Variants in ANO2 observed in about 807,000 individuals in gnomAD.
The protein encoded by ANO2 is anoctamin 2.
Under a neutral mutation model 124.2 loss-of-function variants are expected in ANO2, and 101 were observed. That is an observed-to-expected ratio of 0.81 (90% CI 0.69 to 0.96). The LOEUF is 0.96. Among genes scored for constraint, ANO2 ranks in the 40% least tolerant of loss-of-function variants. The pLI is 0.00. For synonymous variants in ANO2, 486 were observed against 482.5 expected (o/e 1.01, Z -0.09); for missense variants, 1,293 against 1,274.5 (o/e 1.01, Z -0.22).
At chr12:5,618,265 C>T (rs1255930510) in intron 16 of ANO2, among the ~76,000 whole-genome samples, 1 of 152,130 alleles carries the variant, frequency 6.6e-6, no homozygotes, top group East Asian at 1.9e-4. Flanking sequence ...TCAGAGAACG[C>T]CCATAGACAG....
intron 15 of ANO2, among the ~76,000 whole-genome samples, chr12:5,645,118 AC>A (rs1946563995): frequency 6.6e-6 from 1 of 151,706 alleles, no homozygotes; most frequent in African/African-American, 2.4e-5. Context: ...AAATTAGGAA[AC>A]CACCAGTCCT....
At position 5,656,802 on chromosome 12, in the gene ANO2, C is replaced by T. The variant is rs11063798; in HGVS notation, c.1546-9001G>A. On this transcript the variant is annotated intron_variant, in intron 14 of 24. Transcript: ENST00000682330. ...TAACCAGCCTCACTTAGATCCCTCT[C>T]TATGTAAGGAGGCATGCAGGGCATG... Among the ~76,000 whole-genome samples the T allele has an allele frequency of 4.9e-3, 749 of 152,336 alleles. 4 individuals carry two copies. Among genetic ancestry groups the T allele is most frequent in the Middle Eastern group, 0.031 (9 of 294 alleles).
chr12:5,723,198 G>T (rs1024511296), intron 14 of ANO2, among the ~76,000 whole-genome samples: 6 of 152,176 alleles, frequency 3.9e-5, no homozygotes, highest in Non-Finnish European at 8.8e-5. Context: ...AACTGCCTCT[G>T]CTACCACCTC....
At chr12:5,743,470 G>GGTGT (rs1304039798) in intron 12 of ANO2, among the ~76,000 whole-genome samples, 2 of 76,004 alleles carry the variant, frequency 2.6e-5, no homozygotes, top group Admixed American at 1.5e-4. Flanking sequence ...TGTGAGAATA[G>GGTGT]GCGTGTGTGT....
chr12:5,779,125 C>G (rs1400146385), intron 10 of ANO2, among the ~76,000 whole-genome samples: 3 of 152,196 alleles, frequency 2.0e-5, no homozygotes, highest in African/African-American at 4.8e-5. Flanking sequence ...GGATTCTATA[C>G]CTAAAATGTG....
intron 9 of ANO2, among the ~76,000 whole-genome samples, chr12:5,800,204 C>T (rs1952997470): frequency 6.6e-6 from 1 of 152,180 alleles, no homozygotes; most frequent in African/African-American, 2.4e-5. Context: ...AAGGCAAGTG[C>T]ATATGGCACA....
intron 10 of ANO2, among the ~76,000 whole-genome samples, chr12:5,783,735 G>A (rs1018863315): frequency 6.6e-6 from 1 of 152,158 alleles, no homozygotes; most frequent in African/African-American, 2.4e-5. Flanking sequence ...GTGGTCCTGG[G>A]CTACAGAGTT....
chr12:5,831,491 T>C (rs1197401160), intron 5 of ANO2, among the ~76,000 whole-genome samples: 4 of 152,168 alleles, frequency 2.6e-5, no homozygotes, highest in Non-Finnish European at 5.9e-5. Flanking sequence ...CCAGTCACCA[T>C]GCAAGGCCCA....
intron 1 of ANO2, among the ~76,000 whole-genome samples, chr12:5,944,090 C>T (rs1173840983): frequency 1.3e-5 from 2 of 152,182 alleles, no homozygotes; most frequent in Admixed American, 6.5e-5. Flanking sequence ...TGCTTGGCTC[C>T]GGAAATGACG....
Position 5,575,981 on chromosome 12 carries a change from G to T in ANO2, c.2474C>A (p.Pro825His). Residue 825 changes from proline to histidine, a missense_variant, in exon 23 of 25, where the codon CCC becomes CAC. Pro to His is a moderately conservative substitution (Grantham distance 77, BLOSUM62 -2). Coordinates refer to ENST00000682330, the MANE Select transcript of ANO2 (RefSeq NM_001364791.2). ...FVIAITSDFI[P>H]RLVYQYSYSH... is the part of the protein sequence containing the mutation. ...GTAGGAGTACTGGTACACCAGGCGG[G>T]GGATAAAGTCGGAGGTGATCGCAAT... 1 of 1,611,710 alleles carries T rather than the reference G, an allele frequency of 6.2e-7. No individual in the cohort carries two copies. Among genetic ancestry groups the T allele is most frequent in the Non-Finnish European group, 8.5e-7 (1 of 1,178,914 alleles).
rs148091397 is a variant in ANO2, at chr12:5,747,932, A to G, written c.1190+2904T>C. 7.6e-4 allele frequency among the ~76,000 whole-genome samples: 116 copies of G among 152,358 alleles called. 1 individual carries two copies. The highest frequency in any genetic ancestry group is 2.6e-3 in the African/African-American group (109 of 41,574). The stretch of plus-strand genomic sequence containing the variant: ...GCATTTTACACTTGAATATCCCTGC[A>G]CATGCAAGAATGTGTGTGAATGTGG... On this transcript the variant is annotated intron_variant, in intron 11 of 24. Transcript: ENST00000682330.
intron 21 of ANO2, 32 bp downstream of exon 21, chr12:5,578,334 G>T: frequency 2.5e-6 from 4 of 1,604,486 alleles, no homozygotes; most frequent in Non-Finnish European, 3.4e-6. Flanking sequence ...CAGAAGGATG[G>T]GCCTGGTGGG....
intron 14 of ANO2, among the ~76,000 whole-genome samples, chr12:5,711,874 T>G (rs1041042983): frequency 1.3e-5 from 2 of 152,214 alleles, no homozygotes; most frequent in African/African-American, 2.4e-5. Context: ...AATGTACTTC[T>G]GAAGCAAACA....
At chr12:5,921,981 A>G (rs1034903633) in intron 2 of ANO2, among the ~76,000 whole-genome samples, 3 of 152,136 alleles carry the variant, frequency 2.0e-5, no homozygotes, top group Admixed American at 6.5e-5. Flanking sequence ...AACAAAGACC[A>G]ATTTCTAGTC....
chr12:5,724,063 T>C (rs922459190), intron 14 of ANO2, among the ~76,000 whole-genome samples: 1 of 152,082 alleles, frequency 6.6e-6, no homozygotes, highest in Non-Finnish European at 1.5e-5. Flanking sequence ...CCAGGTATCC[T>C]AATTCAGCCC....
At chr12:5,567,863 C>T (rs1941864639) in intron 23 of ANO2, among the ~76,000 whole-genome samples, 1 of 152,182 alleles carries the variant, frequency 6.6e-6, no homozygotes, top group South Asian at 2.1e-4. Context: ...GAAAATAGCT[C>T]GATGCAGATA....
intron 4 of ANO2, 139 bp from the exon 5 acceptor site, chr12:5,832,742 G>A: frequency 9.7e-7 from 1 of 1,029,992 alleles, no homozygotes; most frequent in Non-Finnish European, 1.4e-6. Flanking sequence ...AAACAAGAAG[G>A]AGGGCCTTTC....
chr12:5,734,960 A>C (rs1214027693), intron 13 of ANO2, among the ~76,000 whole-genome samples: 1 of 152,074 alleles, frequency 6.6e-6, no homozygotes, highest in Non-Finnish European at 1.5e-5. Flanking sequence ...ATAACCCTTA[A>C]CTTTTTAAAG....
chr12:5,568,583 A>T (rs1370230953), intron 23 of ANO2, among the ~76,000 whole-genome samples: 1 of 152,204 alleles, frequency 6.6e-6, no homozygotes, highest in Non-Finnish European at 1.5e-5. Flanking sequence ...TTTTACCCTA[A>T]GAAGTCGGGC....
Sources: allele counts gnomAD v4.1 joint callset (sites outside exome capture counted in the v4.1 genomes callset), GRCh38; gene constraint gnomAD v4.1.1; transcripts MANE v1.5; gene names NCBI Gene and HGNC (gene_info 2026-07-23, HGNC 2026-07-21).